NCR1: variants seen among roughly 807,000 people sequenced by gnomAD.
NCR1 encodes NK cell-activating receptor.
A neutral mutation model predicts 32.5 loss-of-function variants in NCR1; 30 were observed. That is an observed-to-expected ratio of 0.92 (90% CI 0.69 to 1.25). NCR1 has a LOEUF of 1.25. Among genes scored for constraint, NCR1 ranks in the 50% most tolerant of loss-of-function variants. NCR1 has a pLI of 0.00. For synonymous variants in NCR1, 169 were observed against 143.4 expected, an observed-to-expected ratio of 1.18 and a Z score of -1.28; for missense variants, 369 against 380.7, an observed-to-expected ratio of 0.97 and a Z score of 0.26.
chr19:54,908,619 C>T (rs1245479114), intron 3 of NCR1, among the ~76,000 whole-genome samples: 8 of 151,360 alleles, frequency 5.3e-5, no homozygotes, highest in South Asian at 4.2e-4. Flanking sequence ...CGGGGGCTGC[C>T]CCCCAACCTC....
the NCR1 span, among the ~76,000 whole-genome samples, chr19:54,930,213 TC>T: frequency 1.3e-5 from 2 of 151,230 alleles, no homozygotes; most frequent in African/African-American, 4.9e-5. Context: ...ATGCCTGTAA[TC>T]CTAGCACATT....
the NCR1 span, chr19:54,936,126 C>T: frequency 2.6e-6 from 2 of 775,318 alleles, no homozygotes; most frequent in South Asian, 2.9e-5. Flanking sequence ...GCCGACTCCC[C>T]CACACAGGCC....
chr19:54,923,548 A>T, the NCR1 span: 1 of 664,218 alleles, frequency 1.5e-6, no homozygotes, highest in Admixed American at 2.5e-5. Context: ...CCTGTGAGAA[A>T]GTACATAGCG....
chr19:54,936,533 A>C, the NCR1 span: 6 of 1,074,914 alleles, frequency 5.6e-6, no homozygotes. Context: ...AATTATTAGA[A>C]GTTCTTGGCC....
the NCR1 span, among the ~76,000 whole-genome samples, chr19:54,923,312 A>G: frequency 1.3e-5 from 2 of 152,240 alleles, no homozygotes; most frequent in Non-Finnish European, 2.9e-5. Context: ...TTATGATCAC[A>G]TAAGTCACAA....
downstream of NCR1, among the ~76,000 whole-genome samples, chr19:54,919,898 CTT>C (rs1281002040): frequency 3.9e-5 from 6 of 152,194 alleles, no homozygotes; most frequent in African/African-American, 1.2e-4. Context: ...GGCTCGCACT[CTT>C]GTCTTCTGGT....
chr19:54,901,318 G>A (rs1016269449), upstream of NCR1, among the ~76,000 whole-genome samples: 2 of 126,030 alleles, frequency 1.6e-5, no homozygotes, highest in Non-Finnish European at 3.1e-5. Flanking sequence ...CCGAGATTGC[G>A]CCACTGCACT....
the NCR1 span, among the ~76,000 whole-genome samples, chr19:54,933,271 A>C: frequency 2.6e-5 from 4 of 151,842 alleles, no homozygotes; most frequent in Non-Finnish European, 5.9e-5. Flanking sequence ...TCATCCTCCC[A>C]AGTAGCTGGG....
At chr19:54,928,645 G>T in the NCR1 span, among the ~76,000 whole-genome samples, 1 of 152,220 alleles carries the variant, frequency 6.6e-6, no homozygotes, top group African/African-American at 2.4e-5. Context: ...GTGATATGAG[G>T]AAAGAAACTG....
the NCR1 span, chr19:54,936,183 A>G: frequency 7.6e-7 from 1 of 1,321,142 alleles, no homozygotes; most frequent in Non-Finnish European, 1.1e-6. Context: ...TGGAGTGGTT[A>G]CCCTTTTTCC....
chr19:54,903,369 TATATAC>T (rs1569535543), upstream of NCR1, among the ~76,000 whole-genome samples: 2,805 of 133,004 alleles, frequency 0.021, 74 homozygotes, highest in African/African-American at 0.075. Flanking sequence ...CATACATGTA[TATATAC>T]ATGTATGTAT....
the NCR1 span, among the ~76,000 whole-genome samples, chr19:54,932,446 T>C: frequency 6.7e-6 from 1 of 148,288 alleles, no homozygotes; most frequent in Non-Finnish European, 1.5e-5. Context: ...AAAATGAATC[T>C]CAGAAATGAC....
intron 5 of NCR1, among the ~76,000 whole-genome samples, chr19:54,911,280 C>T (rs1321554624): frequency 1.3e-5 from 2 of 150,324 alleles, no homozygotes; most frequent in African/African-American, 4.9e-5. Context: ...ACCCGGGAGA[C>T]GGAGCTTGCA....
intron 3 of NCR1, among the ~76,000 whole-genome samples, chr19:54,908,886 A>G: frequency 6.6e-6 from 1 of 151,818 alleles, no homozygotes; most frequent in South Asian, 2.1e-4. Flanking sequence ...TTCAGTAAGC[A>G]AAGATAGTGC....
the NCR1 span, among the ~76,000 whole-genome samples, chr19:54,923,307 A>G: frequency 6.6e-6 from 1 of 152,230 alleles, no homozygotes; most frequent in Non-Finnish European, 1.5e-5. Flanking sequence ...ATAAGTTATG[A>G]TCACATAAGT....
chr19:54,927,546 A>G, the NCR1 span: 12 of 1,469,958 alleles, frequency 8.2e-6, no homozygotes, highest in Non-Finnish European at 1.1e-5. Context: ...ACAGAGCACG[A>G]CTCCATCTCA....
intron 5 of NCR1, 100 bp downstream of exon 5, chr19:54,910,165 G>A (rs902629830): frequency 8.3e-7 from 1 of 1,199,268 alleles, no homozygotes; most frequent in Non-Finnish European, 1.2e-6. Flanking sequence ...GGCCAGGCGT[G>A]GTGGCTCACG....
At chr19:54,903,490 A>ACG (rs1466710731), upstream of NCR1, among the ~76,000 whole-genome samples, 3 of 135,636 alleles carry the variant, frequency 2.2e-5, no homozygotes, top group African/African-American at 5.3e-5. Flanking sequence ...GTATGTATAT[A>ACG]CATATATGTA....
Position 54,912,154 on chromosome 19 carries a change from T to A in NCR1, c.683-14T>A. 6.2e-7 allele frequency: 1 copy of A among 1,612,808 alleles called. No individual in the cohort carries two copies. ...TCAAAACCATCCTCTTTTCTTCACT[T>A]CCCTTATCATCAGCAGACACTTGGG... On this transcript the variant is annotated splice_polypyrimidine_tract_variant and intron_variant, in intron 5 of 6. Coordinates refer to ENST00000291890, the MANE Select transcript of NCR1 (RefSeq NM_004829.7).
Sources: gnomAD v4.1 joint callset for allele counts (sites outside exome capture counted in the v4.1 genomes callset) on GRCh38, gnomAD v4.1.1 for gene constraint, MANE v1.5 for transcripts, NCBI Gene and HGNC (gene_info 2026-07-23, HGNC 2026-07-21) for gene names.